Variants in DLC1 observed in about 807,000 individuals in gnomAD.
DLC1 encodes the protein DLC1 Rho GTPase activating protein, also known as rho GTPase-activating protein 7.
A neutral mutation model predicts 140.3 loss-of-function variants in DLC1; 54 were observed. The observed-to-expected ratio is 0.38, with a 90% CI of 0.31 to 0.48. The LOEUF is 0.48. Among genes scored for constraint, DLC1 ranks in the 20% least tolerant of loss-of-function variants. The pLI is 0.96. For missense variants in DLC1, 2,536 were observed against 1,907.0 expected, an observed-to-expected ratio of 1.33 and a Z score of -6.14; for synonymous variants, 986 against 728.1, an observed-to-expected ratio of 1.35 and a Z score of -5.70.
At chr8:13,580,916 G>C (rs1423069591) in intron 1 of DLC1, among the ~76,000 whole-genome samples, 1 of 152,130 alleles carries the variant, frequency 6.6e-6, no homozygotes, top group Admixed American at 6.5e-5. Context: ...ATGGGTGAGG[G>C]CTCCCCAGCA....
intron 2 of DLC1, among the ~76,000 whole-genome samples, chr8:13,423,809 GTTC>G (rs1179560344): frequency 6.6e-6 from 1 of 152,036 alleles, no homozygotes; most frequent in East Asian, 1.9e-4. Flanking sequence ...CAAAATCCGT[GTTC>G]TTCTCTTTAA....
At chr8:13,601,087 T>A (rs1446198317) in intron 1 of DLC1, among the ~76,000 whole-genome samples, 2 of 151,834 alleles carry the variant, frequency 1.3e-5, no homozygotes, top group Non-Finnish European at 2.9e-5. Flanking sequence ...AAAGCCCTCC[T>A]AAAGACACAC....
intron 5 of DLC1, among the ~76,000 whole-genome samples, chr8:13,219,146 TTATATAATTATATGAATATAACTATA>T (rs1427686929): frequency 1.7e-5 from 2 of 117,398 alleles, no homozygotes; most frequent in East Asian, 4.9e-4. Flanking sequence ...GTGAATATAA[TTATATAATTATATGAATATAACTATA>T]TAATTATATG....
intron 5 of DLC1, among the ~76,000 whole-genome samples, chr8:13,269,576 C>A (rs1275581990): frequency 6.6e-6 from 1 of 151,574 alleles, no homozygotes; most frequent in Non-Finnish European, 1.5e-5. Context: ...TTAGCCACAA[C>A]CCTATAGTCC....
chr8:13,535,131 T>C (rs1037474263), intron 1 of DLC1, among the ~76,000 whole-genome samples: 1 of 152,186 alleles, frequency 6.6e-6, no homozygotes, highest in African/African-American at 2.4e-5. Flanking sequence ...CTTTATTGTA[T>C]TAAATTAACA....
At chr8:13,212,348 G>GT (rs1459760439) in intron 5 of DLC1, among the ~76,000 whole-genome samples, 11 of 151,788 alleles carry the variant, frequency 7.2e-5, no homozygotes, top group African/African-American at 2.7e-4. Context: ...CACTGCTTTT[G>GT]TTTTGTTTTG....
At chr8:13,524,325 A>G (rs1191173022) in intron 1 of DLC1, among the ~76,000 whole-genome samples, 3 of 151,702 alleles carry the variant, frequency 2.0e-5, no homozygotes, top group Admixed American at 2.0e-4. Context: ...TTTAGTAGAG[A>G]TGGGGTTTTG....
chr8:13,276,597 A>G, intron 5 of DLC1: 1 of 1,257,170 alleles, frequency 8.0e-7, no homozygotes, highest in Non-Finnish European at 1.0e-6. Context: ...CCACATCTGG[A>G]AAGACTTACC....
At chr8:13,553,847 T>C (rs1171673987) in intron 1 of DLC1, among the ~76,000 whole-genome samples, 1 of 152,176 alleles carries the variant, frequency 6.6e-6, no homozygotes, top group Non-Finnish European at 1.5e-5. Flanking sequence ...TTCTTAGCCC[T>C]TATCTTACTC....
chr8:13,188,830 T>C, intron 5 of DLC1, among the ~76,000 whole-genome samples: 1 of 28,636 alleles, frequency 3.5e-5, no homozygotes, highest in Non-Finnish European at 7.3e-5. Context: ...TATATATGTA[T>C]ATATATATAT....
chr8:13,307,197 C>A lies in DLC1; in HGVS notation c.1315-1895G>T, dbSNP rs193159569. 5.9e-5 allele frequency among the ~76,000 whole-genome samples: 9 copies of A among 151,468 alleles called. No individual in the cohort carries two copies. In the East Asian group the frequency reaches 1.8e-3, roughly 30 times the overall value. ...TCAATCTACATTTCGTTGTTCAGCA[C>A]TGTTCTCTGGGTGTGAACCGTTTCT... On this transcript the variant is annotated intron_variant, in intron 4 of 17. Coordinates refer to ENST00000276297, the MANE Select transcript of DLC1 (RefSeq NM_182643.3).
rs1804619223 is a variant in DLC1 at position 13,570,617 on chromosome 8, A to G, written c.-126+33920T>C. Among the ~76,000 whole-genome samples the G allele has an allele frequency of 2.0e-5, 3 of 150,948 alleles. No individual in the cohort carries two copies. The South Asian group carries it at 6.3e-4, about 32-fold the overall frequency. ...AATTTCACCCATGTCCCTACAAAGG[A>G]CATGAACTCATCATTTTTTATGGCT... On this transcript the variant is annotated intron_variant, in intron 1 of 1. Coordinates refer to the DLC1 transcript ENST00000631382.
At chr8:13,543,518 C>A (rs1803554222) in intron 1 of DLC1, among the ~76,000 whole-genome samples, 1 of 152,052 alleles carries the variant, frequency 6.6e-6, no homozygotes, top group African/African-American at 2.4e-5. Flanking sequence ...TATTTCAACA[C>A]AATTCACAAT....
chr8:13,386,566 A>C (rs1320947510), intron 4 of DLC1, among the ~76,000 whole-genome samples: 1 of 152,146 alleles, frequency 6.6e-6, no homozygotes. Context: ...TTGGAAACAG[A>C]CGTCAGTATC....
chr8:13,287,698 A>G (rs1831582359), intron 5 of DLC1, among the ~76,000 whole-genome samples: 1 of 152,210 alleles, frequency 6.6e-6, no homozygotes, highest in Admixed American at 6.5e-5. Context: ...TGCCTTTGGA[A>G]TTTTGTGCAC....
At position 13,534,631 on chromosome 8, in the gene DLC1, G is replaced by A. The variant is rs75202232; in HGVS notation, c.-125-34435C>T. On this transcript the variant is annotated intron_variant, in intron 1 of 1. Coordinates refer to the DLC1 transcript ENST00000631382. ...TAAGGTACTGATCTCTAGGAAAAGC[G>A]CCACTGCTCCTGCTGACCAGGCACT... Among the ~76,000 whole-genome samples, 389 of 152,174 alleles carry A rather than the reference G, an allele frequency of 2.6e-3. 1 individual carries two copies. The highest frequency in any genetic ancestry group is 7.0e-3 in the African/African-American group (291 of 41,524).
chr8:13,335,236 G>T (rs1833772167), intron 4 of DLC1, among the ~76,000 whole-genome samples: 3 of 152,316 alleles, frequency 2.0e-5, no homozygotes, highest in South Asian at 4.1e-4. Flanking sequence ...AGGAGGAAGA[G>T]CAAAGGAGTG....
At chr8:13,193,544 C>T (rs935525289) in intron 5 of DLC1, among the ~76,000 whole-genome samples, 8 of 152,172 alleles carry the variant, frequency 5.3e-5, no homozygotes, top group African/African-American at 9.7e-5. Flanking sequence ...TTCCTACTAA[C>T]TCAGTGGGTT....
chr8:13,305,279 C>T lies in DLC1; in HGVS notation c.1338G>A (p.Lys446=), dbSNP rs779107488. Residue 446 remains lysine, a synonymous_variant, in exon 5 of 18, where the codon AAG becomes AAA. Coordinates refer to ENST00000276297, the MANE Select transcript of DLC1 (RefSeq NM_182643.3). ...KTTAIQGISE[K]EKAEIEAKEA... ...AAAATGTCAACTTACCAGCCTTTTC[C>T]TTCTCTGAAATACCTTGAATAGCCT... 1.2e-6 allele frequency: 2 copies of T among 1,605,860 alleles called. No individual in the cohort carries two copies. Among genetic ancestry groups the T allele is most frequent in the African/African-American group, 1.3e-5 (1 of 74,766 alleles).
Sources: allele counts gnomAD v4.1 joint callset (sites outside exome capture counted in the v4.1 genomes callset), GRCh38; gene constraint gnomAD v4.1.1; transcripts MANE v1.5; gene names NCBI Gene and HGNC (gene_info 2026-07-23, HGNC 2026-07-21).